The following DOCK3 variants were observed in gnomAD, a reference collection of about 807,000 sequenced individuals.
DOCK3 encodes dedicator of cytokinesis protein 3.
Under a neutral mutation model 265.6 loss-of-function variants are expected in DOCK3, and 60 were observed. The ratio of observed to expected loss-of-function variants is 0.23; its 90% confidence interval spans 0.18 to 0.28. The LOEUF (loss-of-function observed/expected upper bound fraction) is 0.28, where lower values mean the gene tolerates loss of function less well. Ranked by LOEUF, DOCK3 falls within the 10% of genes least tolerant of loss-of-function variation. DOCK3 has a pLI of 1.00. For missense variants in DOCK3, 1,981 were observed against 2,594.3 expected (o/e 0.76, Z 5.14); for synonymous variants, 881 against 938.0 (o/e 0.94, Z 1.11).
chr3:50,812,053 G>A (rs916918064), intron 2 of DOCK3, among the ~76,000 whole-genome samples: 1 of 152,190 alleles, frequency 6.6e-6, no homozygotes, highest in Non-Finnish European at 1.5e-5. Context: ...CCATAGGAAC[G>A]TGTAGCCTGC....
At chr3:51,180,175 T>A (rs1332878737) in intron 12 of DOCK3, among the ~76,000 whole-genome samples, 1 of 129,556 alleles carries the variant, frequency 7.7e-6, no homozygotes, top group Middle Eastern at 5.3e-3. Context: ...GCCACTGTGC[T>A]CCAGCCTGGG....
intron 1 of DOCK3, among the ~76,000 whole-genome samples, chr3:50,743,985 G>A (rs36091095): frequency 0.02 from 3,038 of 152,236 alleles, 52 homozygotes; most frequent in Non-Finnish European, 0.028. Flanking sequence ...AATAGTCCTC[G>A]TAGTGTATGT....
At chr3:51,358,673 T>C (rs191506161) in intron 46 of DOCK3, among the ~76,000 whole-genome samples, 7 of 152,340 alleles carry the variant, frequency 4.6e-5, no homozygotes, top group Admixed American at 3.9e-4. Flanking sequence ...AGTACTTTCA[T>C]GCTAGCAGTC....
intron 12 of DOCK3, among the ~76,000 whole-genome samples, chr3:51,198,349 A>G (rs1160744216): frequency 6.6e-6 from 1 of 152,146 alleles, no homozygotes; most frequent in Non-Finnish European, 1.5e-5. Flanking sequence ...CAATTCTTTG[A>G]ACATGGTTTG....
rs530740159 is a variant in DOCK3, at chr3:51,106,479, G to A, written c.746+16095G>A. Among the ~76,000 whole-genome samples, 7 of 152,276 alleles carry A rather than the reference G, an allele frequency of 4.6e-5. No individual in the cohort carries two copies. The South Asian group carries it at 6.2e-4, about 14-fold the overall frequency. On this transcript the variant is annotated intron_variant, in intron 9 of 52. Coordinates refer to ENST00000266037, the MANE Select transcript of DOCK3 (RefSeq NM_004947.5). Reference sequence around the variant, plus strand: ...ACTTTGCAGGCATGTGTGTGTGTGCGTGCACCCTGCCATGCCACACCTGCC... The same window carrying A: ...ACTTTGCAGGCATGTGTGTGTGTGCATGCACCCTGCCATGCCACACCTGCC...
chr3:50,883,489 C>T (rs1478980530), intron 3 of DOCK3, among the ~76,000 whole-genome samples: 1 of 151,958 alleles, frequency 6.6e-6, no homozygotes. Context: ...TTTCTTTCTG[C>T]TTAGAGAATT....
At chr3:51,014,942 T>C (rs1185501814) in intron 5 of DOCK3, among the ~76,000 whole-genome samples, 1 of 152,176 alleles carries the variant, frequency 6.6e-6, no homozygotes, top group Admixed American at 6.5e-5. Context: ...TTCAGATTGT[T>C]CACTGTTGAC....
intron 12 of DOCK3, among the ~76,000 whole-genome samples, chr3:51,205,568 G>A (rs369659844): frequency 7.2e-5 from 11 of 152,052 alleles, no homozygotes; most frequent in South Asian, 2.1e-4. Flanking sequence ...TCGGCATGGT[G>A]GTGTGTGCCT....
At chr3:51,223,272 T>C (rs1355823499) in intron 14 of DOCK3, among the ~76,000 whole-genome samples, 1 of 152,152 alleles carries the variant, frequency 6.6e-6, no homozygotes, top group Admixed American at 6.5e-5. Context: ...TTATATAATA[T>C]ATAACTAGGA....
intron 1 of DOCK3, among the ~76,000 whole-genome samples, chr3:50,758,102 C>T (rs181811552): frequency 2.4e-3 from 352 of 144,216 alleles, no homozygotes; most frequent in African/African-American, 8.7e-3. Context: ...GGCATGAACC[C>T]GGGAGGTGGA....
At position 51,362,519 on chromosome 3, in the gene DOCK3, C is replaced by T; in HGVS notation, c.5146-8C>T. 1.9e-6 allele frequency: 3 copies of T among 1,613,906 alleles called. No individual in the cohort carries two copies. Among genetic ancestry groups the T allele is most frequent in the Non-Finnish European group, 2.5e-6 (3 of 1,179,870 alleles). On this transcript the variant is annotated splice_region_variant and splice_polypyrimidine_tract_variant and intron_variant, in intron 48 of 52. Transcript: ENST00000266037. ...ACCTCTATCCTGCTGATTTTTCTCCCTTTGCAGCTCGCGTATCCCAACCCC... is the reference window on the plus strand; with the variant it reads ...ACCTCTATCCTGCTGATTTTTCTCCTTTTGCAGCTCGCGTATCCCAACCCC...
chr3:51,030,555 T>C (rs554806684), intron 5 of DOCK3, among the ~76,000 whole-genome samples: 1 of 152,314 alleles, frequency 6.6e-6, no homozygotes, highest in East Asian at 1.9e-4. Context: ...TACTGTGTGT[T>C]GTTTACCTTC....
At chr3:50,988,062 C>T (rs2077967339) in intron 5 of DOCK3, among the ~76,000 whole-genome samples, 2 of 152,194 alleles carry the variant, frequency 1.3e-5, no homozygotes, top group South Asian at 4.1e-4. Context: ...TCCACAGCAC[C>T]TCACAAGACC....
intron 4 of DOCK3, among the ~76,000 whole-genome samples, chr3:50,918,422 T>C (rs2050250683): frequency 1.3e-5 from 2 of 152,176 alleles, no homozygotes; most frequent in South Asian, 4.1e-4. Context: ...CCAGCACCTG[T>C]TGTTAACTGA....
chr3:51,309,571 A>G (rs964335837), intron 27 of DOCK3, among the ~76,000 whole-genome samples: 14 of 152,034 alleles, frequency 9.2e-5, no homozygotes, highest in Non-Finnish European at 1.9e-4. Context: ...GAGGGAGACC[A>G]TGGAAAGAGA....
intron 38 of DOCK3, among the ~76,000 whole-genome samples, chr3:51,345,523 G>A (rs2085506960): frequency 2.0e-5 from 3 of 152,170 alleles, no homozygotes; most frequent in Admixed American, 2.0e-4. Flanking sequence ...TCGGGAGGTT[G>A]AGGCAAGAGA....
At chr3:50,970,753 G>A (rs1268683758) in intron 5 of DOCK3, among the ~76,000 whole-genome samples, 2 of 142,706 alleles carry the variant, frequency 1.4e-5, no homozygotes, top group Non-Finnish European at 1.5e-5. Flanking sequence ...TTAAAACAGG[G>A]TATCACTCTC....
At chr3:50,688,833 CTCA>C (rs1181864436) in intron 1 of DOCK3, among the ~76,000 whole-genome samples, 1 of 152,134 alleles carries the variant, frequency 6.6e-6, no homozygotes, top group Non-Finnish European at 1.5e-5. Flanking sequence ...CTTCTGCTGT[CTCA>C]TCATTGAGTC....
chr3:50,834,741 T>G (rs1420018700), intron 2 of DOCK3, among the ~76,000 whole-genome samples: 1 of 152,196 alleles, frequency 6.6e-6, no homozygotes, highest in Non-Finnish European at 1.5e-5. Context: ...AAATGGTAAC[T>G]CAAACATTTA....
Sources: gnomAD v4.1 joint callset for allele counts (sites outside exome capture counted in the v4.1 genomes callset) on GRCh38, gnomAD v4.1.1 for gene constraint, MANE v1.5 for transcripts, NCBI Gene and HGNC (gene_info 2026-07-23, HGNC 2026-07-21) for gene names.